The following ICA1L variants were observed in gnomAD, a reference collection of about 807,000 sequenced individuals.
ICA1L encodes the protein islet cell autoantigen 1-like protein.
ICA1L carries 50 observed loss-of-function variants against 61.3 expected under a neutral mutation model. The ratio of observed to expected loss-of-function variants is 0.82; its 90% confidence interval spans 0.65 to 1.03. The LOEUF (loss-of-function observed/expected upper bound fraction) is 1.03. Among genes scored for constraint, ICA1L ranks in the 50% least tolerant of loss-of-function variants. The pLI, the probability that ICA1L is intolerant of heterozygous loss-of-function variation, is 0.00. For missense variants in ICA1L, 508 were observed against 556.7 expected (o/e 0.91, Z 0.88); for synonymous variants, 161 against 191.3 (o/e 0.84, Z 1.31).
intron 1 of ICA1L, chr2:202,860,113 T>TA (rs1475310332): frequency 6.6e-6 from 1 of 151,748 alleles, no homozygotes; most frequent in Admixed American, 6.6e-5. Flanking sequence ...AAAAAAAATT[T>TA]TTTTTTAAAT....
At chr2:202,782,541 T>C (rs1385167665) in intron 12 of ICA1L, among the ~76,000 whole-genome samples, 1 of 151,796 alleles carries the variant, frequency 6.6e-6, no homozygotes, top group Non-Finnish European at 1.5e-5. Context: ...CCCAAGTAGC[T>C]GGGACTACAG....
At chr2:202,832,014 C>T (rs968023254) in intron 1 of ICA1L, among the ~76,000 whole-genome samples, 3 of 152,012 alleles carry the variant, frequency 2.0e-5, no homozygotes, top group East Asian at 1.9e-4. Flanking sequence ...AATCACTAAA[C>T]GAATCATGAG....
At chr2:202,782,807 A>T (rs2105815997) in intron 12 of ICA1L, among the ~76,000 whole-genome samples, 1 of 152,216 alleles carries the variant, frequency 6.6e-6, no homozygotes, top group South Asian at 2.1e-4. Flanking sequence ...AATTAGAGGT[A>T]AATAGTGCCT....
At chr2:202,863,544 G>T (rs1047963041) in intron 1 of ICA1L, among the ~76,000 whole-genome samples, 3 of 151,918 alleles carry the variant, frequency 2.0e-5, no homozygotes, top group African/African-American at 7.2e-5. Context: ...AATAAAAAAG[G>T]CCGGGCGCGG....
At chr2:202,866,386 C>G (rs1255066894) in intron 1 of ICA1L, among the ~76,000 whole-genome samples, 1 of 152,170 alleles carries the variant, frequency 6.6e-6, no homozygotes, top group Admixed American at 6.6e-5. Context: ...GATGCTGCAC[C>G]ATGCTTCTTG....
chr2:202,835,180 G>A (rs890839937), intron 1 of ICA1L, among the ~76,000 whole-genome samples: 5 of 146,804 alleles, frequency 3.4e-5, no homozygotes, highest in Admixed American at 1.4e-4. Context: ...TTTTTTACTA[G>A]CTACTGTCAA....
intron 12 of ICA1L, 26 bp from the exon 13 acceptor site, chr2:202,779,674 T>TAAAG (rs1344917213): frequency 2.3e-6 from 3 of 1,289,262 alleles, no homozygotes; most frequent in Non-Finnish European, 3.3e-6. Context: ...AAAAATACAT[T>TAAAG]AAAGAGATTC....
At chr2:202,785,220 TA>T (rs559242608) in intron 12 of ICA1L, among the ~76,000 whole-genome samples, 613 of 120,208 alleles carry the variant, frequency 5.1e-3, no homozygotes, top group African/African-American at 4.5e-3. Flanking sequence ...CTGTCTCAAT[TA>T]AAAAAAAAAA....
chr2:202,854,921 G>T (rs181246580), intron 1 of ICA1L, among the ~76,000 whole-genome samples: 77 of 152,290 alleles, frequency 5.1e-4, no homozygotes, highest in African/African-American at 1.8e-3. Flanking sequence ...AGCTACCTGG[G>T]AGGCTGCGGC....
intron 1 of ICA1L, chr2:202,844,359 C>G (rs1322857364): frequency 1.3e-5 from 2 of 151,570 alleles, no homozygotes; most frequent in Admixed American, 1.3e-4. Context: ...CAGAGGGACA[C>G]AGTGAGACCC....
chr2:202,869,141 C>T (rs1013408237), intron 1 of ICA1L, among the ~76,000 whole-genome samples: 26 of 151,918 alleles, frequency 1.7e-4, no homozygotes, highest in Non-Finnish European at 7.4e-5. Flanking sequence ...GGGCGGATCA[C>T]GAGGTCAGGA....
chr2:202,792,798 G>A (rs563051215), intron 10 of ICA1L, among the ~76,000 whole-genome samples: 7 of 151,636 alleles, frequency 4.6e-5, no homozygotes, highest in Non-Finnish European at 7.4e-5. Flanking sequence ...AGTGAGACTC[G>A]GCCTCAAAAA....
At chr2:202,865,063 T>G in intron 1 of ICA1L, among the ~76,000 whole-genome samples, 1 of 152,002 alleles carries the variant, frequency 6.6e-6, no homozygotes, top group African/African-American at 2.4e-5. Flanking sequence ...CTCAGGAGGC[T>G]GAGGCAGGAG....
intron 1 of ICA1L, among the ~76,000 whole-genome samples, chr2:202,869,315 G>A (rs529468024): frequency 6.6e-6 from 1 of 152,170 alleles, no homozygotes; most frequent in Admixed American, 6.5e-5. Context: ...CCGAGATCCT[G>A]CCACTGCACT....
At chr2:202,848,318 A>AT (rs1314244528) in intron 1 of ICA1L, among the ~76,000 whole-genome samples, 1 of 152,152 alleles carries the variant, frequency 6.6e-6, no homozygotes, top group African/African-American at 2.4e-5. Context: ...ACATTAGGCC[A>AT]TTTTTTACCT....
chr2:202,810,306 C>T (rs1400788030), intron 9 of ICA1L, among the ~76,000 whole-genome samples: 1 of 152,180 alleles, frequency 6.6e-6, no homozygotes, highest in East Asian at 1.9e-4. Flanking sequence ...CCGGCTGAAG[C>T]CATGGCAGAA....
intron 8 of ICA1L, among the ~76,000 whole-genome samples, chr2:202,812,058 C>A (rs1410742576): frequency 2.0e-5 from 3 of 152,098 alleles, no homozygotes. Flanking sequence ...CTTCAAGAAC[C>A]TTCACCATCA....
At chr2:202,817,342 C>A (rs904210550) in intron 6 of ICA1L, 76 bp downstream of exon 6, 26 of 1,343,900 alleles carry the variant, frequency 1.9e-5, no homozygotes, top group Non-Finnish European at 1.9e-5. Flanking sequence ...ATTTTTACAC[C>A]CTTTAGACAA....
Position 202,777,704 on chromosome 2 carries a change from A to G in ICA1L, c.*1829T>C, listed in dbSNP as rs1391484754. On this transcript the variant is annotated 3_prime_UTR_variant, in exon 13 of 13. Transcript: ENST00000358299. Reference sequence around the variant, plus strand: ...GTAGTTTTCTGGAGAGCCTGTGGGCAGTTACTATTGTAGATGGCTATGGAT... The same window carrying G: ...GTAGTTTTCTGGAGAGCCTGTGGGCGGTTACTATTGTAGATGGCTATGGAT... 6.6e-6 allele frequency: 1 copy of G among 152,146 alleles called. No individual in the cohort carries two copies. The highest frequency in any genetic ancestry group is 1.5e-5 in the Non-Finnish European group (1 of 68,046). 9.4% of individuals were successfully genotyped at this position (152,146 alleles called of 1,614,324 possible). A position where few individuals can be genotyped will look rare whatever the true frequency, so the allele number is the denominator to read the frequency against.
Sources: allele counts gnomAD v4.1 joint callset (sites outside exome capture counted in the v4.1 genomes callset), GRCh38; gene constraint gnomAD v4.1.1; transcripts MANE v1.5; gene names NCBI Gene and HGNC (gene_info 2026-07-23, HGNC 2026-07-21).